The following PCSK6 variants were observed in gnomAD, a reference collection of about 807,000 sequenced individuals.
PCSK6 encodes the protein paired basic amino acid cleaving enzyme 4.
Under a neutral mutation model 123.3 loss-of-function variants are expected in PCSK6, and 85 were observed. That is an observed-to-expected ratio of 0.69 (90% CI 0.58 to 0.83). The LOEUF is 0.83. PCSK6 is among the 40% of genes least tolerant of loss of function. The pLI is 0.00. For missense variants in PCSK6, 1,191 were observed against 1,282.3 expected (o/e 0.93, Z 1.09); for synonymous variants, 508 against 516.0 (o/e 0.98, Z 0.21).
intron 9 of PCSK6, among the ~76,000 whole-genome samples, chr15:101,385,223 G>A (rs1276907031): frequency 1.3e-5 from 2 of 152,136 alleles, no homozygotes; most frequent in Non-Finnish European, 2.9e-5. Flanking sequence ...TTGCTATATT[G>A]CCCAGGCTGG....
intron 1 of PCSK6, among the ~76,000 whole-genome samples, chr15:101,483,145 C>T (rs1271353785): frequency 1.3e-5 from 2 of 152,190 alleles, no homozygotes; most frequent in Non-Finnish European, 2.9e-5. Flanking sequence ...AGCCTTAGAC[C>T]GAAAACCAAT....
chr15:101,309,280 T>C (rs1292034212), intron 20 of PCSK6, among the ~76,000 whole-genome samples: 1 of 152,128 alleles, frequency 6.6e-6, no homozygotes, highest in African/African-American at 2.4e-5. Context: ...CTCAGGGAGA[T>C]GGGTGATGCT....
At chr15:101,391,201 C>G (rs1157723849) in intron 8 of PCSK6, among the ~76,000 whole-genome samples, 1 of 152,210 alleles carries the variant, frequency 6.6e-6, no homozygotes, top group Non-Finnish European at 1.5e-5. Context: ...TGCTCCCTCT[C>G]TGACTCCAGC....
At chr15:101,378,068 A>G (rs1361141832) in intron 11 of PCSK6, among the ~76,000 whole-genome samples, 4 of 152,254 alleles carry the variant, frequency 2.6e-5, no homozygotes, top group African/African-American at 9.6e-5. Flanking sequence ...AGAAAAATCA[A>G]GAGTCAAATA....
chr15:101,309,966 C>G (rs528001278), intron 20 of PCSK6, among the ~76,000 whole-genome samples: 1 of 150,336 alleles, frequency 6.7e-6, no homozygotes, highest in South Asian at 2.1e-4. Flanking sequence ...ACCCAGCAGG[C>G]CTGCGTCCTG....
intron 18 of PCSK6, among the ~76,000 whole-genome samples, chr15:101,322,137 G>A (rs574333410): frequency 6.3e-4 from 96 of 152,316 alleles, no homozygotes; most frequent in African/African-American, 2.2e-3. Context: ...GAGAAAAAGA[G>A]AAGACCGAGG....
chr15:101,318,298 C>G, intron 19 of PCSK6, 21 bp downstream of exon 19: 2 of 1,534,034 alleles, frequency 1.3e-6, no homozygotes, highest in Non-Finnish European at 1.8e-6. Context: ...GGCCCGAGGC[C>G]TCCGCAGGCG....
intron 14 of PCSK6, 75 bp from the exon 15 acceptor site, chr15:101,331,764 G>C (rs1027978993): frequency 1.3e-6 from 2 of 1,597,422 alleles, no homozygotes; most frequent in African/African-American, 2.7e-5. Flanking sequence ...CCCCACCTTT[G>C]CCAGGAGCAG....
At chr15:101,393,115 T>TC (rs2042282136) in intron 8 of PCSK6, 97 bp downstream of exon 8, 1 of 1,039,008 alleles carries the variant, frequency 9.6e-7, no homozygotes, top group Admixed American at 2.0e-5. Flanking sequence ...CAATCTGGCC[T>TC]CAATCTAAGC....
intron 1 of PCSK6, among the ~76,000 whole-genome samples, chr15:101,473,214 C>G (rs1022101946): frequency 6.6e-6 from 1 of 152,062 alleles, no homozygotes; most frequent in African/African-American, 2.4e-5. Context: ...GTAGCTGGGA[C>G]TATAGGCACA....
At chr15:101,470,645 A>G (rs2057580984) in intron 1 of PCSK6, among the ~76,000 whole-genome samples, 1 of 152,182 alleles carries the variant, frequency 6.6e-6, no homozygotes, top group African/African-American at 2.4e-5. Context: ...TCCTTAGAAT[A>G]ATGCTTTCAT....
At chr15:101,365,417 C>A (rs192282074) in intron 13 of PCSK6, among the ~76,000 whole-genome samples, 5 of 152,238 alleles carry the variant, frequency 3.3e-5, no homozygotes, top group Non-Finnish European at 7.4e-5. Context: ...TAAGTGTTAA[C>A]GAGAATGTGA....
intron 5 of PCSK6, among the ~76,000 whole-genome samples, chr15:101,428,541 A>G (rs2056338415): frequency 6.6e-6 from 1 of 152,220 alleles, no homozygotes; most frequent in East Asian, 1.9e-4. Flanking sequence ...AACGCTCTAA[A>G]TTAAACACTC....
intron 17 of PCSK6, among the ~76,000 whole-genome samples, chr15:101,324,479 G>A (rs371231328): frequency 6.6e-6 from 1 of 152,336 alleles, no homozygotes. Flanking sequence ...AGCACAGACA[G>A]CAGGACCTCC....
intron 13 of PCSK6, among the ~76,000 whole-genome samples, chr15:101,356,500 A>G (rs1454130969): frequency 8.0e-6 from 1 of 125,032 alleles, no homozygotes; most frequent in African/African-American, 3.1e-5. Context: ...TCTCTACTAA[A>G]ACTACAAAAA....
chr15:101,316,139 A>G (rs1461281887), intron 19 of PCSK6, among the ~76,000 whole-genome samples: 1 of 152,206 alleles, frequency 6.6e-6, no homozygotes, highest in Non-Finnish European at 1.5e-5. Flanking sequence ...GCTGCCTCCA[A>G]TGAGGTCCAC....
intron 19 of PCSK6, among the ~76,000 whole-genome samples, chr15:101,314,889 G>T (rs766543975): frequency 6.6e-6 from 1 of 152,198 alleles, no homozygotes; most frequent in East Asian, 1.9e-4. Flanking sequence ...GAGGCTGCTC[G>T]TATGCTTTGG....
chr15:101,443,945 T>C (rs1464189535), intron 1 of PCSK6, among the ~76,000 whole-genome samples: 1 of 152,228 alleles, frequency 6.6e-6, no homozygotes, highest in Non-Finnish European at 1.5e-5. Flanking sequence ...AAGTTTGGAC[T>C]ATCATGGCCA....
chr15:101,338,091 G>A (rs1202477744), intron 13 of PCSK6, among the ~76,000 whole-genome samples: 3 of 152,232 alleles, frequency 2.0e-5, no homozygotes, highest in South Asian at 2.1e-4. Context: ...ACATGATCCC[G>A]CCACAGTGTT....
Sources: gnomAD v4.1 joint callset for allele counts (sites outside exome capture counted in the v4.1 genomes callset) on GRCh38, gnomAD v4.1.1 for gene constraint, MANE v1.5 for transcripts, NCBI Gene and HGNC (gene_info 2026-07-23, HGNC 2026-07-21) for gene names.